Variants in RASGRF2 observed in about 807,000 individuals in gnomAD.
RASGRF2 encodes ras-specific guanine nucleotide-releasing factor 2.
In RASGRF2, 76 loss-of-function variants were observed where a neutral mutation model predicts 151.0. The ratio of observed to expected loss-of-function variants is 0.50; its 90% CI spans 0.42 to 0.61. The LOEUF is 0.61. Ranked by LOEUF, RASGRF2 falls within the 20% of genes least tolerant of loss-of-function variation. RASGRF2 has a pLI of 0.00. For synonymous variants in RASGRF2, 504 were observed against 566.5 expected, an observed-to-expected ratio of 0.89 and a Z score of 1.57; for missense variants, 1,148 against 1,564.6, an observed-to-expected ratio of 0.73 and a Z score of 4.49.
intron 17 of RASGRF2, among the ~76,000 whole-genome samples, chr5:81,171,982 AC>A (rs1393673885): frequency 6.6e-6 from 1 of 152,200 alleles, no homozygotes; most frequent in Admixed American, 6.5e-5. Context: ...CATAGAACCA[AC>A]AGGAACAACT....
At chr5:81,196,829 A>T (rs931343236) in intron 18 of RASGRF2, among the ~76,000 whole-genome samples, 1 of 152,218 alleles carries the variant, frequency 6.6e-6, no homozygotes, top group Non-Finnish European at 1.5e-5. Flanking sequence ...AATATATGTG[A>T]AATATTCATT....
intron 2 of RASGRF2, among the ~76,000 whole-genome samples, chr5:81,050,824 T>C (rs1041968700): frequency 6.6e-6 from 1 of 152,202 alleles, no homozygotes; most frequent in African/African-American, 2.4e-5. Flanking sequence ...TCTGTCAACC[T>C]GAATTCCTTC....
chr5:81,104,003 T>G (rs1752775259), intron 12 of RASGRF2, among the ~76,000 whole-genome samples: 1 of 152,054 alleles, frequency 6.6e-6, no homozygotes, highest in South Asian at 2.1e-4. Flanking sequence ...TTGTAATTTA[T>G]GATGGGCAGA....
At chr5:81,073,141 C>G in intron 4 of RASGRF2, 58 bp from the exon 5 acceptor site, 1 of 1,525,776 alleles carries the variant, frequency 6.6e-7, no homozygotes, top group Non-Finnish European at 8.9e-7. Flanking sequence ...ATGTTCTTTT[C>G]CATAAATAAA....
Position 80,969,765 on chromosome 5 carries a change from AG to A in RASGRF2, c.288+8740del, listed in dbSNP as rs200444889. On this transcript the variant is annotated intron_variant, in intron 1 of 26. Coordinates refer to ENST00000265080, the MANE Select transcript of RASGRF2 (RefSeq NM_006909.3). ...TGCGCCTGGCTAAGCACTCTTATTT[AG>A]AATCAAGGATAAGAGTTTCCTACAC... Among the ~76,000 whole-genome samples, 1,446 of 145,904 alleles carry A rather than the reference AG, an allele frequency of 9.9e-3. 24 individuals carry two copies. Among genetic ancestry groups the A allele is most frequent in the African/African-American group, 0.035 (1,365 of 39,080 alleles).
At chr5:81,049,836 A>G (rs1488570338) in intron 2 of RASGRF2, among the ~76,000 whole-genome samples, 1 of 152,178 alleles carries the variant, frequency 6.6e-6, no homozygotes, top group Non-Finnish European at 1.5e-5. Flanking sequence ...CTATGCACTT[A>G]ACCACAAAGA....
intron 12 of RASGRF2, among the ~76,000 whole-genome samples, chr5:81,101,450 A>G (rs1406894972): frequency 1.3e-5 from 2 of 151,950 alleles, no homozygotes; most frequent in Admixed American, 1.3e-4. Flanking sequence ...TTGAAATAAA[A>G]TTGGTAGACC....
chr5:81,103,248 T>TTA (rs750976493), intron 12 of RASGRF2, among the ~76,000 whole-genome samples: 77 of 152,118 alleles, frequency 5.1e-4, no homozygotes, highest in Non-Finnish European at 9.6e-4. Flanking sequence ...AAGAGCCAGG[T>TTA]TATATATATA....
At chr5:81,180,577 C>T (rs764285611) in intron 18 of RASGRF2, among the ~76,000 whole-genome samples, 10 of 152,124 alleles carry the variant, frequency 6.6e-5, no homozygotes, top group Non-Finnish European at 8.8e-5. Flanking sequence ...CACAACAAGG[C>T]CTCTGTGCTG....
At chr5:81,034,118 A>T (rs1157324530) in intron 1 of RASGRF2, among the ~76,000 whole-genome samples, 1 of 152,224 alleles carries the variant, frequency 6.6e-6, no homozygotes. Flanking sequence ...CACACCAGTT[A>T]GAATGGCGAT....
chr5:81,049,524 C>T (rs564472373), intron 2 of RASGRF2, among the ~76,000 whole-genome samples: 1 of 152,208 alleles, frequency 6.6e-6, no homozygotes, highest in African/African-American at 2.4e-5. Context: ...TCTTCTTGTC[C>T]TATTTCACTA....
At chr5:81,018,637 CA>C (rs1338481171) in intron 1 of RASGRF2, among the ~76,000 whole-genome samples, 1 of 152,042 alleles carries the variant, frequency 6.6e-6, no homozygotes, top group African/African-American at 2.4e-5. Flanking sequence ...GTTTAAAATG[CA>C]TTTCATTTCT....
At position 80,984,300 on chromosome 5, in the gene RASGRF2, C is replaced by T. The variant is rs371235394; in HGVS notation, c.288+23274C>T. On this transcript the variant is annotated intron_variant, in intron 1 of 26. Transcript: ENST00000265080. ...AGCTCCTGGCCTCAAGTGATCCACC[C>T]GCCTCGGCCTCCCAGGTGCTGGGAT... is the stretch of plus-strand genomic sequence containing the variant. Among the ~76,000 whole-genome samples the T allele has an allele frequency of 1.2e-3, 177 of 152,294 alleles. 1 individual carries two copies. Among genetic ancestry groups the T allele is most frequent in the African/African-American group, 4.0e-3 (166 of 41,566 alleles).
chr5:81,203,405 TTC>T (rs960256344), intron 19 of RASGRF2, among the ~76,000 whole-genome samples: 2 of 152,184 alleles, frequency 1.3e-5, no homozygotes, highest in African/African-American at 4.8e-5. Context: ...TCTGAGAGCT[TTC>T]TCTCTGCACC....
intron 9 of RASGRF2, 50 bp downstream of exon 9, chr5:81,087,003 A>C: frequency 6.6e-7 from 1 of 1,505,224 alleles, no homozygotes; most frequent in Non-Finnish European, 9.2e-7. Flanking sequence ...TGCGGCTGTC[A>C]CATGATCTCG....
At chr5:81,037,405 T>C (rs1750536003) in intron 1 of RASGRF2, among the ~76,000 whole-genome samples, 1 of 152,220 alleles carries the variant, frequency 6.6e-6, no homozygotes, top group Non-Finnish European at 1.5e-5. Context: ...TCCGGCAACT[T>C]CAATGCTATC....
intron 12 of RASGRF2, among the ~76,000 whole-genome samples, chr5:81,095,729 T>C (rs1305225201): frequency 6.6e-6 from 1 of 152,144 alleles, no homozygotes; most frequent in Non-Finnish European, 1.5e-5. Context: ...ATGAAAAAGG[T>C]ATATATTGTA....
intron 17 of RASGRF2, among the ~76,000 whole-genome samples, chr5:81,151,146 A>G (rs546828559): frequency 6.6e-6 from 1 of 152,332 alleles, no homozygotes; most frequent in South Asian, 2.1e-4. Context: ...TAGGTGTCAC[A>G]AGATATCTGA....
intron 1 of RASGRF2, among the ~76,000 whole-genome samples, chr5:81,005,389 C>G (rs143640036): frequency 6.6e-6 from 1 of 152,150 alleles, no homozygotes; most frequent in Non-Finnish European, 1.5e-5. Context: ...AACGCACTCA[C>G]TATCACGAGG....
Sources: gnomAD v4.1 joint callset for allele counts (sites outside exome capture counted in the v4.1 genomes callset) on GRCh38, gnomAD v4.1.1 for gene constraint, MANE v1.5 for transcripts, NCBI Gene and HGNC (gene_info 2026-07-23, HGNC 2026-07-21) for gene names.